NPSR1: variants seen among roughly 807,000 people sequenced by gnomAD.
NPSR1 encodes the protein neuropeptide S receptor.
NPSR1 carries 48 observed loss-of-function variants against 46.9 expected under a neutral mutation model. The ratio of observed to expected loss-of-function variants is 1.02; its 90% confidence interval spans 0.81 to 1.30. NPSR1 has a LOEUF of 1.30. Ranked by LOEUF, NPSR1 falls within the 50% of genes most tolerant of loss-of-function variation. The pLI, the probability that NPSR1 is intolerant of heterozygous loss-of-function variation, is 0.00. For synonymous variants in NPSR1, 176 were observed against 168.1 expected (o/e 1.05, Z -0.36); for missense variants, 450 against 449.5 (o/e 1.00, Z -0.01).
chr7:34,704,366 T>C (rs1446379530), intron 2 of NPSR1, among the ~76,000 whole-genome samples: 1 of 152,074 alleles, frequency 6.6e-6, no homozygotes, highest in Non-Finnish European at 1.5e-5. Flanking sequence ...AAAAAACTAA[T>C]AGTTTTTGCT....
intron 3 of NPSR1, among the ~76,000 whole-genome samples, chr7:34,782,511 A>C (rs758641343): frequency 1.3e-5 from 2 of 152,104 alleles, no homozygotes; most frequent in Non-Finnish European, 2.9e-5. Context: ...TGAGCTGAAA[A>C]AGCTACACAG....
At chr7:34,836,729 G>T (rs770747039) in intron 6 of NPSR1, among the ~76,000 whole-genome samples, 23 of 145,264 alleles carry the variant, frequency 1.6e-4, no homozygotes, top group Non-Finnish European at 3.2e-4. Context: ...AGAAAGGAAA[G>T]GAAAGATGGG....
intron 4 of NPSR1, among the ~76,000 whole-genome samples, chr7:34,826,710 A>C (rs1330020626): frequency 6.6e-6 from 1 of 152,160 alleles, no homozygotes; most frequent in Non-Finnish European, 1.5e-5. Flanking sequence ...TTTTATACCA[A>C]TTTAAAGAAA....
intron 4 of NPSR1, among the ~76,000 whole-genome samples, chr7:34,819,300 C>A (rs1454660416): frequency 2.0e-5 from 3 of 152,140 alleles, no homozygotes; most frequent in Admixed American, 6.5e-5. Flanking sequence ...ATGCAGCCAA[C>A]AGACACATGA....
intron 1 of NPSR1, among the ~76,000 whole-genome samples, chr7:34,658,934 G>A (rs928673100): frequency 2.0e-5 from 3 of 152,134 alleles, no homozygotes; most frequent in African/African-American, 7.2e-5. Context: ...TTTTTGCTAG[G>A]AACACCAGAG....
At chr7:34,823,399 G>GAAAA (rs577186339) in intron 4 of NPSR1, among the ~76,000 whole-genome samples, 1,717 of 67,894 alleles carry the variant, frequency 0.025, 52 homozygotes, top group Middle Eastern at 0.044. Flanking sequence ...GACTTCACCA[G>GAAAA]AAAAAAAAAA....
chr7:34,696,250 G>T (rs921519488), intron 2 of NPSR1, among the ~76,000 whole-genome samples: 1 of 151,976 alleles, frequency 6.6e-6, no homozygotes, highest in South Asian at 2.1e-4. Context: ...TTCATAAGGG[G>T]GAGCTAAATA....
At chr7:34,663,067 C>CTCTCTGTGTGTGTG (rs35826710) in intron 1 of NPSR1, among the ~76,000 whole-genome samples, 5 of 99,386 alleles carry the variant, frequency 5.0e-5, no homozygotes, top group Admixed American at 9.2e-5. Flanking sequence ...CTCTCTCTCT[C>CTCTCTGTGTGTGTG]TGTGTGTGTG....
rs541511652 is a variant in NPSR1, at chr7:34,765,271, A to C, written c.281-13191A>C. Among the ~76,000 whole-genome samples the C allele has an allele frequency of 1.4e-4, 22 of 152,344 alleles. No homozygotes were observed. The South Asian group carries it at 1.7e-3, about 11-fold the overall frequency. On this transcript the variant is annotated intron_variant, in intron 2 of 8. Coordinates refer to ENST00000360581, the MANE Select transcript of NPSR1 (RefSeq NM_207172.2). ...ATCAAAATGCATGAGACTCAAAAAG[A>C]AAATGCAACCCACTGTTAACAGCCA...
chr7:34,752,272 A>G (rs755942865), intron 2 of NPSR1, among the ~76,000 whole-genome samples: 3 of 152,058 alleles, frequency 2.0e-5, no homozygotes, highest in Admixed American at 6.6e-5. Flanking sequence ...AAATTTACTT[A>G]ATCTAAATGG....
At chr7:34,809,364 C>A (rs1243712154) in intron 3 of NPSR1, among the ~76,000 whole-genome samples, 1 of 150,170 alleles carries the variant, frequency 6.7e-6, no homozygotes, top group Admixed American at 6.6e-5. Flanking sequence ...TTTTTTCTAA[C>A]TTTTATTTTA....
chr7:34,749,211 A>G (rs1785376927), intron 2 of NPSR1, among the ~76,000 whole-genome samples: 1 of 152,052 alleles, frequency 6.6e-6, no homozygotes, highest in South Asian at 2.1e-4. Context: ...CAAACCTTCA[A>G]CCTCAGTCTT....
intron 2 of NPSR1, chr7:34,751,613 C>G (rs1384547796): frequency 1.2e-6 from 2 of 1,602,434 alleles, no homozygotes; most frequent in Non-Finnish European, 1.7e-6. Flanking sequence ...TGACAGAGCT[C>G]TCCACTCACT....
intron 2 of NPSR1, among the ~76,000 whole-genome samples, chr7:34,737,988 T>A (rs1784760030): frequency 1.3e-5 from 2 of 152,356 alleles, no homozygotes; most frequent in African/African-American, 4.8e-5. Context: ...GATTTTTATC[T>A]GTTTTATTCA....
chr7:34,659,366 A>T (rs1168480386), intron 1 of NPSR1, among the ~76,000 whole-genome samples: 1 of 152,238 alleles, frequency 6.6e-6, no homozygotes, highest in Non-Finnish European at 1.5e-5. Context: ...CACAGGTCTC[A>T]AACTGGTCCT....
chr7:34,714,010 T>C (rs931886913), intron 2 of NPSR1, among the ~76,000 whole-genome samples: 4 of 152,262 alleles, frequency 2.6e-5, no homozygotes, highest in Non-Finnish European at 5.9e-5. Context: ...GGGTCAAGAA[T>C]TTAAGTGGAA....
intron 2 of NPSR1, among the ~76,000 whole-genome samples, chr7:34,705,242 T>C (rs1005436197): frequency 1.3e-5 from 2 of 151,774 alleles, no homozygotes; most frequent in Non-Finnish European, 2.9e-5. Context: ...GCCTGGTCAA[T>C]ATGGTGAAAC....
chr7:34,848,906 AC>A (rs1180959703), intron 8 of NPSR1, among the ~76,000 whole-genome samples: 1 of 152,220 alleles, frequency 6.6e-6, no homozygotes, highest in Non-Finnish European at 1.5e-5. Context: ...TAATCATGAC[AC>A]ATCTAGAAGA....
In NPSR1 at chr7:34,747,918, A is replaced by C. The variant is rs150542181; in HGVS notation, c.281-30544A>C. On this transcript the variant is annotated intron_variant, in intron 2 of 8. Coordinates refer to ENST00000360581, the MANE Select transcript of NPSR1 (RefSeq NM_207172.2). ...GACGAGTTAAAGAAGGGATCTGGAC[A>C]CTGCTGCCTCTCTGCCTTCTTTATA... 9.5e-3 allele frequency among the ~76,000 whole-genome samples: 1,447 copies of C among 152,298 alleles called. 18 individuals carry two copies. The highest frequency in any genetic ancestry group is 9.5e-3 in the Non-Finnish European group (649 of 68,032).
Sources: allele counts gnomAD v4.1 joint callset (sites outside exome capture counted in the v4.1 genomes callset), GRCh38; gene constraint gnomAD v4.1.1; transcripts MANE v1.5; gene names NCBI Gene and HGNC (gene_info 2026-07-23, HGNC 2026-07-21).